The following DIAPH3 variants were observed in gnomAD, a reference collection of about 807,000 sequenced individuals.
DIAPH3 encodes diaphanous related formin 3.
DIAPH3 carries 117 observed loss-of-function variants against 144.3 expected under a neutral mutation model. That is an observed-to-expected ratio of 0.81 (90% CI 0.70 to 0.95). The LOEUF (loss-of-function observed/expected upper bound fraction) is 0.95, where lower values mean the gene tolerates loss of function less well. Among genes scored for constraint, DIAPH3 ranks in the 40% least tolerant of loss-of-function variants. The pLI, the probability that DIAPH3 is intolerant of heterozygous loss-of-function variation, is 0.00. For missense variants in DIAPH3, 1,421 were observed against 1,412.7 expected (o/e 1.01, Z -0.09); for synonymous variants, 519 against 488.9 (o/e 1.06, Z -0.81).
At chr13:59,914,704 G>A (rs2140251840) in intron 19 of DIAPH3, among the ~76,000 whole-genome samples, 1 of 152,234 alleles carries the variant, frequency 6.6e-6, no homozygotes, top group East Asian at 1.9e-4. Flanking sequence ...GGAAGATGAA[G>A]GAATGGTTCT....
At chr13:59,981,348 T>C (rs888414211) in intron 13 of DIAPH3, among the ~76,000 whole-genome samples, 5 of 151,434 alleles carry the variant, frequency 3.3e-5, no homozygotes, top group South Asian at 2.1e-4. Context: ...GTGTTGGAGT[T>C]GACATGAGGA....
intron 27 of DIAPH3, among the ~76,000 whole-genome samples, chr13:59,723,959 TAAAA>T (rs144643410): frequency 0.018 from 2,363 of 133,732 alleles, 37 homozygotes; most frequent in Non-Finnish European, 0.026. Flanking sequence ...TGTTAAAAGT[TAAAA>T]AAAAAAAAAA....
At chr13:60,084,538 C>T (rs2057686274) in intron 4 of DIAPH3, among the ~76,000 whole-genome samples, 1 of 151,780 alleles carries the variant, frequency 6.6e-6, no homozygotes, top group Non-Finnish European at 1.5e-5. Context: ...CAAAGTCATC[C>T]TTAACAAAAA....
chr13:59,738,874 A>G (rs1263894149), intron 27 of DIAPH3, among the ~76,000 whole-genome samples: 1 of 152,214 alleles, frequency 6.6e-6, no homozygotes, highest in African/African-American at 2.4e-5. Context: ...GTATACTGAG[A>G]TATTTTCCCT....
At chr13:60,102,147 C>A (rs753822887) in intron 3 of DIAPH3, among the ~76,000 whole-genome samples, 1 of 152,160 alleles carries the variant, frequency 6.6e-6, no homozygotes, top group Non-Finnish European at 1.5e-5. Flanking sequence ...TATCCAAAGA[C>A]ATTCCTATTC....
rs576537894 is a variant in DIAPH3 at position 59,988,587 on chromosome 13, T to C, written c.1361+2571A>G. ...ACACAACATTTCTGGATTCCAGAAA[T>C]GTCAATCTAGAAAATAATCTCCATG... is the stretch of plus-strand genomic sequence containing the variant. On this transcript the variant is annotated intron_variant, in intron 12 of 27. Coordinates refer to ENST00000400324, the MANE Select transcript of DIAPH3 (RefSeq NM_001042517.2). Among the ~76,000 whole-genome samples the C allele has an allele frequency of 9.2e-5, 14 of 151,986 alleles. No homozygotes were observed. In the East Asian group the frequency reaches 2.3e-3, roughly 25 times the overall value.
At chr13:60,145,294 A>C (rs890056176) in intron 1 of DIAPH3, among the ~76,000 whole-genome samples, 20 of 152,328 alleles carry the variant, frequency 1.3e-4, no homozygotes, top group Non-Finnish European at 2.9e-5. Context: ...AAATCTTAAC[A>C]AGAAAGATGA....
rs191595899 is a variant in DIAPH3, at chr13:60,093,287, G to A, written c.495+341C>T. On this transcript the variant is annotated intron_variant, in intron 4 of 27. Transcript: ENST00000400324. Reference sequence around the variant, plus strand: ...ACCTTGATGTAGACAGAGTAAAATCGGTCTCACTTTTCTATAATGCAGATA... The same window carrying A: ...ACCTTGATGTAGACAGAGTAAAATCAGTCTCACTTTTCTATAATGCAGATA... 2.0e-3 allele frequency among the ~76,000 whole-genome samples: 309 copies of A among 152,084 alleles called. 3 individuals carry two copies. The highest frequency in any genetic ancestry group is 7.2e-3 in the African/African-American group (298 of 41,508).
chr13:59,866,253 A>G (rs1344084621), intron 21 of DIAPH3, among the ~76,000 whole-genome samples: 1 of 152,030 alleles, frequency 6.6e-6, no homozygotes, highest in African/African-American at 2.4e-5. Context: ...AACTAGTATT[A>G]TATCCATTAT....
chr13:59,929,607 G>C (rs1439669035), intron 17 of DIAPH3, among the ~76,000 whole-genome samples: 1 of 135,216 alleles, frequency 7.4e-6, no homozygotes, highest in Non-Finnish European at 1.5e-5. Flanking sequence ...CTGTCGCCCA[G>C]GCCAGAGTGC....
intron 24 of DIAPH3, among the ~76,000 whole-genome samples, chr13:59,817,240 C>T (rs796847960): frequency 6.6e-5 from 10 of 151,808 alleles, no homozygotes; most frequent in African/African-American, 1.9e-4. Context: ...AATTGTTTAA[C>T]GCTTGTCTTT....
chr13:59,683,123 A>G (rs1387549102), intron 27 of DIAPH3, among the ~76,000 whole-genome samples: 1 of 152,196 alleles, frequency 6.6e-6, no homozygotes, highest in African/African-American at 2.4e-5. Flanking sequence ...GCAGAGAATA[A>G]ACAGACACAG....
chr13:60,098,401 G>C (rs2058171002), intron 3 of DIAPH3, among the ~76,000 whole-genome samples: 2 of 152,036 alleles, frequency 1.3e-5, no homozygotes, highest in African/African-American at 4.8e-5. Context: ...GTTCTGATGA[G>C]GGCAAATCTC....
chr13:59,999,549 C>G (rs1192320281), intron 9 of DIAPH3, among the ~76,000 whole-genome samples: 5 of 152,152 alleles, frequency 3.3e-5, no homozygotes, highest in Non-Finnish European at 1.5e-5. Flanking sequence ...CTGCTACCTT[C>G]TGAAAGCTAT....
In DIAPH3 at chr13:59,774,759, G is replaced by A. The variant is rs369935944; in HGVS notation, c.3228C>T (p.Arg1076=). Residue 1076 remains arginine (R), a synonymous_variant, in exon 26 of 28, where the codon CGC becomes CGT. Transcript: ENST00000400324. ...GCATCGGTGTCCTTTTTCTTCTGTC[G>A]CGGAAGGCAGCCCCGGACTGCAAGG... ...LEALQSGAAF[R]DRRKRTPMPK... 65 of 1,614,038 alleles carry A rather than the reference G, an allele frequency of 4.0e-5. No homozygotes were observed. The African/African-American group carries it at 5.9e-4, about 15-fold the overall frequency.
At chr13:59,945,515 G>A (rs1364361416) in intron 17 of DIAPH3, among the ~76,000 whole-genome samples, 1 of 151,972 alleles carries the variant, frequency 6.6e-6, no homozygotes, top group African/African-American at 2.4e-5. Context: ...ACCAAAACGA[G>A]AGCCCTGCTT....
intron 1 of DIAPH3, among the ~76,000 whole-genome samples, chr13:60,154,263 C>T (rs1219270871): frequency 1.3e-5 from 2 of 152,074 alleles, no homozygotes; most frequent in Admixed American, 1.3e-4. Context: ...ATAGAGGTTA[C>T]AATGAGCCAG....
intron 27 of DIAPH3, among the ~76,000 whole-genome samples, chr13:59,735,351 A>C (rs1188458387): frequency 6.6e-6 from 1 of 152,208 alleles, no homozygotes; most frequent in Non-Finnish European, 1.5e-5. Context: ...ACACTGATCT[A>C]ATTTGCAGAA....
intron 24 of DIAPH3, among the ~76,000 whole-genome samples, chr13:59,812,321 C>T (rs2040529479): frequency 6.6e-6 from 1 of 151,576 alleles, no homozygotes; most frequent in African/African-American, 2.4e-5. Flanking sequence ...TCGATCCATC[C>T]ATCCTTCCAT....
Sources: gnomAD v4.1 joint callset for allele counts (sites outside exome capture counted in the v4.1 genomes callset) on GRCh38, gnomAD v4.1.1 for gene constraint, MANE v1.5 for transcripts, NCBI Gene and HGNC (gene_info 2026-07-23, HGNC 2026-07-21) for gene names.